Variants in FH observed in about 807,000 individuals in gnomAD.
The protein encoded by FH is fumarate hydratase, also known as fumarate hydratase, mitochondrial.
A neutral mutation model predicts 49.4 loss-of-function variants in FH; 22 were observed. The observed-to-expected ratio is 0.45, with a 90% confidence interval of 0.32 to 0.64. FH has a LOEUF of 0.64. Ranked by LOEUF, FH falls within the 30% of genes least tolerant of loss-of-function variation. The pLI, the probability that FH is intolerant of heterozygous loss-of-function variation, is 0.05. For missense variants in FH, 526 were observed against 641.5 expected, an observed-to-expected ratio of 0.82 and a Z score of 1.95; for synonymous variants, 208 against 223.0, an observed-to-expected ratio of 0.93 and a Z score of 0.60.
chr1:241,502,355 G>A, intron 8 of FH, 88 bp downstream of exon 8: 1 of 1,488,442 alleles, frequency 6.7e-7, no homozygotes, highest in Non-Finnish European at 9.3e-7. Flanking sequence ...ACTACCCAAT[G>A]TGGAATCACT....
chr1:241,519,726 G>GTTGA lies in FH; in HGVS notation c.-5_-4insTCAA. 1 of 1,532,832 alleles carries GTTGA rather than the reference G, an allele frequency of 6.5e-7. No homozygotes were observed. Among genetic ancestry groups the GTTGA allele is most frequent in the Non-Finnish European group, 8.8e-7 (1 of 1,136,110 alleles). The allele number at this position is 1,532,832 out of a possible 1,614,324, so 95.0% of individuals were successfully genotyped here. ...GGAGCCGAAGTGCTCGGTACATGGT[G>GTTGA]CTGAGGGAGCTTGGGTAGAATTTCT... is the stretch of plus-strand genomic sequence containing the variant. On this transcript the variant is annotated 5_prime_UTR_variant, in exon 1 of 10. Coordinates refer to ENST00000366560, the MANE Select transcript of FH (RefSeq NM_000143.4).
In FH at chr1:241,519,585, G is replaced by C. The variant is rs1302811851; in HGVS notation, c.132+6C>G. On this transcript the variant is annotated splice_donor_region_variant and intron_variant, in intron 1 of 9. Coordinates refer to ENST00000366560, the MANE Select transcript of FH (RefSeq NM_000143.4). ...GGGAGGCCGGGGGATGGCGGCCTGC[G>C]CTCACCATTCGAGCCGCGTTCGGAG... 1 of 1,546,934 alleles carries C rather than the reference G, an allele frequency of 6.5e-7. No homozygotes were observed. The highest frequency in any genetic ancestry group is 8.7e-7 in the Non-Finnish European group (1 of 1,146,138).
In FH at chr1:241,519,404, TC is replaced by T. The variant is rs947143873; in HGVS notation, c.132+186del. The stretch of plus-strand genomic sequence containing the variant: ...AGCGCTCTCCCGGGCTGCGGCTCCA[TC>T]CCTGCGCCGGAAGAGGCGTCCCGAG... On this transcript the variant is annotated intron_variant, in intron 1 of 9. Transcript: ENST00000366560. 6.3e-5 allele frequency: 42 copies of T among 666,770 alleles called. No homozygotes were observed. The African/African-American group carries it at 8.0e-4, about 13-fold the overall frequency. The allele number at this position is 666,770 out of a possible 1,614,324, so 41.3% of individuals were successfully genotyped here. A position where few individuals can be genotyped will look rare whatever the true frequency, so the allele number is the denominator to read the frequency against.
In FH at chr1:241,508,690, A is replaced by T; in HGVS notation, c.651T>A (p.Ala217=). The change falls in exon 5 of 10, where the codon GCT becomes GCA. Residue 217 remains alanine (A), a synonymous_variant. Transcript: ENST00000366560. ...CAAACTCTTTGGATTTTGCATCAAGAGCATCATGTAACTTCTGTAGTCCTG... is the reference window on the plus strand; with the variant it reads ...CAAACTCTTTGGATTTTGCATCAAGTGCATCATGTAACTTCTGTAGTCCTG... ...LLPGLQKLHD[A]LDAKSKEFAQ... is the part of the protein sequence containing the mutation. The T allele has an allele frequency of 1.2e-6, 2 of 1,613,746 alleles. No individual in the cohort carries two copies. The highest frequency in any genetic ancestry group is 1.1e-5 in the South Asian group (1 of 91,080).
chr1:241,510,771 G>C (rs1225712258), intron 4 of FH, among the ~76,000 whole-genome samples: 1 of 152,148 alleles, frequency 6.6e-6, no homozygotes, highest in Non-Finnish European at 1.5e-5. Context: ...TCTAGAAACT[G>C]AAATACAGTG....
Position 241,506,072 on chromosome 1 carries a change from C to T in FH, c.835G>A (p.Val279Ile), listed in dbSNP as rs2147917595. 1 of 1,614,020 alleles carries T rather than the reference C, an allele frequency of 6.2e-7. No individual in the cohort carries two copies. Among genetic ancestry groups the T allele is most frequent in the Non-Finnish European group, 8.5e-7 (1 of 1,179,948 alleles). The stretch of plus-strand genomic sequence containing the variant: ...ATTCTAGTATTTAAACCTGTACCAA[C>T]AGCAGTGCCTCCAGCTGCGAGCTCA... ...IYELAAGGTAVGTGLNTRIGF... is the reference protein window; with the variant it reads ...IYELAAGGTAIGTGLNTRIGF... The change falls in exon 6 of 10, where the codon GTT (valine) becomes ATT (isoleucine). Residue 279 changes from valine (V) to isoleucine (I), a missense_variant. Val to Ile is a conservative substitution (Grantham distance 29). Transcript: ENST00000366560.
In FH at chr1:241,500,602, T is replaced by TGAGGGAGAGA. The variant is rs1553340724; in HGVS notation, c.1237-13_1237-12insTCTCTCCCTC. 7.6e-7 allele frequency: 1 copy of TGAGGGAGAGA among 1,312,730 alleles called. No individual in the cohort carries two copies. Among genetic ancestry groups the TGAGGGAGAGA allele is most frequent in the Non-Finnish European group, 1.0e-6 (1 of 974,070 alleles). 81.3% of individuals were successfully genotyped at this position (1,312,730 alleles called of 1,614,324 possible). On this transcript the variant is annotated splice_polypyrimidine_tract_variant and intron_variant, in intron 8 of 9. Coordinates refer to ENST00000366560, the MANE Select transcript of FH (RefSeq NM_000143.4). ...AACACATTTTTAATCTTTGAGTGAG[T>TGAGGGAGAGA]GAGAGAGAGAGAGAGAGAGAGAGAG...
intron 5 of FH, among the ~76,000 whole-genome samples, chr1:241,508,368 C>G (rs1659982103): frequency 6.6e-6 from 1 of 152,178 alleles, no homozygotes; most frequent in African/African-American, 2.4e-5. Context: ...TTGTACACAG[C>G]AAAGCTAAGA....
At position 241,517,331 on chromosome 1, in the gene FH, A is replaced by G; in HGVS notation, c.133-15T>C. The stretch of plus-strand genomic sequence containing the variant: ...TTTTGGCTTGCCTAAAGACAAGAAT[A>G]CAACACTATTACAAGTTGAAAAGAA... On this transcript the variant is annotated splice_polypyrimidine_tract_variant and intron_variant, in intron 1 of 9. Coordinates refer to ENST00000366560, the MANE Select transcript of FH (RefSeq NM_000143.4). 1 of 1,613,860 alleles carries G rather than the reference A, an allele frequency of 6.2e-7. No individual in the cohort carries two copies. Among genetic ancestry groups the G allele is most frequent in the East Asian group, 2.2e-5 (1 of 44,880 alleles).
chr1:241,509,925 G>T (rs561086754), intron 4 of FH, among the ~76,000 whole-genome samples: 7 of 151,900 alleles, frequency 4.6e-5, no homozygotes, highest in Non-Finnish European at 1.0e-4. Flanking sequence ...AAGTACTTAC[G>T]AAAGAAGTAG....
In FH at chr1:241,511,947, A is replaced by T. The variant is rs200874899; in HGVS notation, c.555+20T>A. ...GCTTTTCAATTTATAACCAAAAAAC[A>T]GCAAAGCTCACATACTGACCTGGCT... On this transcript the variant is annotated intron_variant, in intron 4 of 9. Coordinates refer to ENST00000366560, the MANE Select transcript of FH (RefSeq NM_000143.4). The T allele has an allele frequency of 8.7e-6, 14 of 1,613,018 alleles. No homozygotes were observed. The highest frequency in any genetic ancestry group is 1.1e-5 in the Non-Finnish European group (13 of 1,179,188).
rs199664825 is a variant in FH, at chr1:241,500,482, T to C, written c.1345A>G (p.Met449Val). 6.2e-7 allele frequency: 1 copy of C among 1,614,064 alleles called. No homozygotes were observed. Among genetic ancestry groups the C allele is most frequent in the South Asian group, 1.1e-5 (1 of 91,076 alleles). ...GTCACCAACATTAGAGACTCATTCA[T>C]CAGCTTGTTGATCCTTTCTGTATTG... ...QANTERINKL[M>V]NESLMLVTAL... The change falls in exon 9 of 10, where the codon ATG (methionine) becomes GTG (valine). Residue 449 changes from methionine (M) to valine (V), a missense_variant. By Grantham distance (21) the Met-to-Val change is conservative. Around this residue, in one of 2 missense-constraint regions of FH, gnomAD observed 383 missense variants for 514.0 expected, o/e 0.75. Transcript: ENST00000366560.
intron 2 of FH, among the ~76,000 whole-genome samples, chr1:241,515,952 A>G (rs368892623): frequency 6.6e-6 from 1 of 152,190 alleles, no homozygotes; most frequent in East Asian, 1.9e-4. Context: ...AATCATTCAT[A>G]TGGAATTGAA....
chr1:241,498,062 T>C, intron 9 of FH, 92 bp from the exon 10 acceptor site: 2 of 1,222,106 alleles, frequency 1.6e-6, no homozygotes. Context: ...TTGATATTGA[T>C]GCTATATGGG....
At chr1:241,505,600 T>G (rs1367395058) in intron 6 of FH, among the ~76,000 whole-genome samples, 1 of 151,996 alleles carries the variant, frequency 6.6e-6, no homozygotes, top group Admixed American at 6.6e-5. Flanking sequence ...GGTCAATAAT[T>G]CAAAGAATTA....
intron 5 of FH, among the ~76,000 whole-genome samples, chr1:241,506,441 A>G (rs530439195): frequency 1.3e-5 from 2 of 152,330 alleles, no homozygotes; most frequent in East Asian, 3.9e-4. Flanking sequence ...GAAAAACAGC[A>G]CAGGAAATAC....
At chr1:241,513,530 G>T in intron 3 of FH, 73 bp downstream of exon 3, 1 of 1,108,700 alleles carries the variant, frequency 9.0e-7, no homozygotes, top group Non-Finnish European at 1.4e-6. Context: ...CTTTCCTTCT[G>T]CCAGAGCATA....
At chr1:241,505,273 A>G (rs1659882599) in intron 6 of FH, among the ~76,000 whole-genome samples, 1 of 152,116 alleles carries the variant, frequency 6.6e-6, no homozygotes, top group Non-Finnish European at 1.5e-5. Flanking sequence ...TCCCCTAGCC[A>G]GGAGCCCACA....
intron 2 of FH, among the ~76,000 whole-genome samples, chr1:241,515,348 A>C (rs1385268083): frequency 6.6e-6 from 1 of 152,200 alleles, no homozygotes; most frequent in African/African-American, 2.4e-5. Context: ...CTGGTGACAC[A>C]GATCAATGAA....
Sources: allele counts gnomAD v4.1 joint callset (sites outside exome capture counted in the v4.1 genomes callset), GRCh38; gene constraint gnomAD v4.1.1; regional missense constraint gnomAD v4.1.1; transcripts MANE v1.5; gene names NCBI Gene and HGNC (gene_info 2026-07-23, HGNC 2026-07-21).